UBE2W: variants seen among roughly 807,000 people sequenced by gnomAD.
The protein encoded by UBE2W is ubiquitin-conjugating enzyme E2 W.
Under a neutral mutation model 27.2 loss-of-function variants are expected in UBE2W, and 18 were observed. The observed-to-expected ratio is 0.66, with a 90% confidence interval of 0.46 to 0.98. The LOEUF (loss-of-function observed/expected upper bound fraction) is 0.98. Ranked by LOEUF, UBE2W falls within the 50% of genes least tolerant of loss-of-function variation. The probability of loss-of-function intolerance (pLI) is 0.00; values close to 1 mark genes in which losing one functional copy is unlikely to be tolerated. For missense variants in UBE2W, 90 were observed against 180.2 expected (o/e 0.50, Z 2.87); for synonymous variants, 53 against 57.2 (o/e 0.93, Z 0.33).
At chr8:73,807,546 G>A (rs1342611243) in intron 4 of UBE2W, among the ~76,000 whole-genome samples, 1 of 152,080 alleles carries the variant, frequency 6.6e-6, no homozygotes, top group Non-Finnish European at 1.5e-5. Flanking sequence ...AGACATTTAG[G>A]TATTCCAAGT....
chr8:73,877,412 C>A (rs539151204), intron 1 of UBE2W, among the ~76,000 whole-genome samples: 1 of 152,246 alleles, frequency 6.6e-6, no homozygotes, highest in East Asian at 1.9e-4. Flanking sequence ...CTTTTCTGTT[C>A]TGCAGGCAAG....
At chr8:73,865,180 C>G (rs1218618571) in intron 1 of UBE2W, among the ~76,000 whole-genome samples, 2 of 32,856 alleles carry the variant, frequency 6.1e-5, no homozygotes, top group Non-Finnish European at 1.3e-4. Context: ...GTGCAAACGT[C>G]AAAAAAAAAA....
chr8:73,793,213 T>C lies in UBE2W; in HGVS notation c.*889A>G. 1 of 985,814 alleles carries C rather than the reference T, an allele frequency of 1.0e-6. No homozygotes were observed. Among genetic ancestry groups the C allele is most frequent in the South Asian group, 4.7e-5 (1 of 21,290 alleles). 61.1% of individuals were successfully genotyped at this position (985,814 alleles called of 1,614,324 possible). ...GCTCATGCTGATGGCTAGCAGGAAG[T>C]TAACAGAGTGTAACTTACTTGGAAA... On this transcript the variant is annotated 3_prime_UTR_variant, in exon 6 of 6. Coordinates refer to ENST00000602593, the MANE Select transcript of UBE2W (RefSeq NM_018299.6).
chr8:73,840,489 T>C (rs1259300180), intron 1 of UBE2W, among the ~76,000 whole-genome samples: 1 of 152,240 alleles, frequency 6.6e-6, no homozygotes, highest in Non-Finnish European at 1.5e-5. Context: ...GAATCAAAAC[T>C]GGAAGAACAG....
At chr8:73,876,269 G>T (rs1295123626) in intron 1 of UBE2W, among the ~76,000 whole-genome samples, 1 of 151,594 alleles carries the variant, frequency 6.6e-6, no homozygotes, top group Non-Finnish European at 1.5e-5. Flanking sequence ...TTTTATTGAA[G>T]ATTTATGTAT....
At chr8:73,839,003 G>A (rs954649835) in intron 1 of UBE2W, among the ~76,000 whole-genome samples, 2 of 152,094 alleles carry the variant, frequency 1.3e-5, no homozygotes, top group African/African-American at 2.4e-5. Flanking sequence ...GCCCTTGAGC[G>A]GCTGCTCTGG....
intron 3 of UBE2W, among the ~76,000 whole-genome samples, chr8:73,822,711 G>A (rs1347236465): frequency 1.3e-5 from 2 of 149,290 alleles, no homozygotes; most frequent in African/African-American, 4.9e-5. Flanking sequence ...TTGAGCCCAG[G>A]TGGCAGCAGT....
intron 2 of UBE2W, among the ~76,000 whole-genome samples, chr8:73,828,852 C>G (rs1329060009): frequency 2.0e-5 from 3 of 152,110 alleles, no homozygotes; most frequent in Non-Finnish European, 4.4e-5. Context: ...CTCTCAAATA[C>G]TAGATCTTCT....
In UBE2W at chr8:73,790,696, A is replaced by C. The variant is rs1232967984; in HGVS notation, c.*3406T>G. Reference sequence around the variant, plus strand: ...CTTCTATTTTTAGGAAGAAGTTATAACAAGTTTTAAATATCTCAATTCTGA... The same window carrying C: ...CTTCTATTTTTAGGAAGAAGTTATACCAAGTTTTAAATATCTCAATTCTGA... On this transcript the variant is annotated 3_prime_UTR_variant, in exon 6 of 6. Coordinates refer to ENST00000602593, the MANE Select transcript of UBE2W (RefSeq NM_018299.6). 2 of 980,396 alleles carry C rather than the reference A, an allele frequency of 2.0e-6. No homozygotes were observed. Among genetic ancestry groups the C allele is most frequent in the Non-Finnish European group, 2.4e-6 (2 of 825,466 alleles). The allele number at this position is 980,396 out of a possible 1,614,324, so 60.7% of individuals were successfully genotyped here. A position where few individuals can be genotyped will look rare whatever the true frequency, so the allele number is the denominator to read the frequency against.
At chr8:73,848,717 G>A (rs977578530) in intron 1 of UBE2W, among the ~76,000 whole-genome samples, 2 of 152,066 alleles carry the variant, frequency 1.3e-5, no homozygotes, top group African/African-American at 4.8e-5. Flanking sequence ...AAGAAATCAG[G>A]ATGTGATTAC....
intron 1 of UBE2W, among the ~76,000 whole-genome samples, chr8:73,842,314 GT>G (rs1430354803): frequency 1.3e-5 from 2 of 151,836 alleles, no homozygotes; most frequent in Non-Finnish European, 2.9e-5. Flanking sequence ...GGATTACGAG[GT>G]CAGGAGATTG....
chr8:73,810,519 T>G lies in UBE2W; in HGVS notation c.321A>C (p.Ser107=). ...EDWSPALSVQ[S]VCLSIISMLS... ...GCATGCTAATAATGCTAAGACAAAC[T>G]GATTGGACTGAGAGCGCTGGGGACC... Residue 107 remains serine (S), a synonymous_variant, in exon 4 of 6, where the codon TCA becomes TCC. Transcript: ENST00000602593. 1.9e-6 allele frequency: 3 copies of G among 1,612,714 alleles called. No individual in the cohort carries two copies. The highest frequency in any genetic ancestry group is 2.5e-6 in the Non-Finnish European group (3 of 1,179,556).
chr8:73,825,146 C>T lies in UBE2W; in HGVS notation c.210+1G>A. On this transcript the variant is annotated splice_donor_variant, in intron 3 of 5. Transcript: ENST00000602593. LOFTEE classifies it high-confidence loss of function. ...AAAAAAATTTAAAGCAAGGCAATTA[C>T]CTGAGGAGAGTCAAAAGGATATCGA... 6.5e-7 allele frequency: 1 copy of T among 1,541,336 alleles called. No individual in the cohort carries two copies. Among genetic ancestry groups the T allele is most frequent in the Non-Finnish European group, 8.7e-7 (1 of 1,142,938 alleles).
chr8:73,822,113 G>A (rs1485331145), intron 3 of UBE2W, among the ~76,000 whole-genome samples: 1 of 152,100 alleles, frequency 6.6e-6, no homozygotes, highest in Non-Finnish European at 1.5e-5. Context: ...CCCCTGGACC[G>A]GCCTGCTAGC....
At position 73,794,153 on chromosome 8, in the gene UBE2W, A is replaced by T. The variant is rs77335074; in HGVS notation, c.443-38T>A. 8,934 of 1,603,226 alleles carry T rather than the reference A, an allele frequency of 5.6e-3. 49 individuals are homozygous for T. The highest frequency in any genetic ancestry group is 0.022 in the East Asian group (978 of 44,700). ...GAGAAAAAAGATAATTAAAAAGTCA[A>T]GCATGTATAAGTAAATTCTACAAGT... On this transcript the variant is annotated intron_variant, in intron 5 of 5. Transcript: ENST00000602593.
intron 1 of UBE2W, among the ~76,000 whole-genome samples, chr8:73,844,346 G>A (rs189091434): frequency 2.0e-4 from 31 of 152,284 alleles, no homozygotes; most frequent in East Asian, 5.8e-4. Context: ...ACAGGGTTTC[G>A]CCGTGTTGGC....
chr8:73,805,692 G>T lies in UBE2W; in HGVS notation c.401C>A (p.Thr134Lys). The part of the protein sequence containing the change: ...RPPDNSFYVR[T>K]CNKNPKKTKW... ...TGTTTTCTTTGGATTCTTGTTACAT[G>T]TTCGCACATAAAAAGAATTATCCGG... Residue 134 changes from threonine (T) to lysine (K), a missense_variant, in exon 5 of 6, where the codon ACA becomes AAA. By Grantham distance (78) the Thr-to-Lys change is moderately conservative. Coordinates refer to ENST00000602593, the MANE Select transcript of UBE2W (RefSeq NM_018299.6). 1 of 1,542,742 alleles carries T rather than the reference G, an allele frequency of 6.5e-7. No individual in the cohort carries two copies. The highest frequency in any genetic ancestry group is 8.8e-7 in the Non-Finnish European group (1 of 1,138,644).
chr8:73,839,676 C>T (rs1810457319), intron 1 of UBE2W, among the ~76,000 whole-genome samples: 1 of 151,286 alleles, frequency 6.6e-6, no homozygotes, highest in Non-Finnish European at 1.5e-5. Flanking sequence ...CACAAAAAAC[C>T]CACAAGTATT....
intron 1 of UBE2W, among the ~76,000 whole-genome samples, chr8:73,853,038 G>T (rs1000996523): frequency 2.6e-5 from 4 of 152,154 alleles, no homozygotes; most frequent in African/African-American, 9.7e-5. Flanking sequence ...TGGAGCCTTT[G>T]CGAGGTAACT....
Sources: allele counts gnomAD v4.1 joint callset (sites outside exome capture counted in the v4.1 genomes callset), GRCh38; gene constraint gnomAD v4.1.1; transcripts MANE v1.5; gene names NCBI Gene and HGNC (gene_info 2026-07-23, HGNC 2026-07-21).